The following TMEM248 variants were observed in gnomAD, a reference collection of about 807,000 sequenced individuals.
TMEM248 encodes UPF0458 protein C7orf42.
Under a neutral mutation model 30.3 loss-of-function variants are expected in TMEM248, and 9 were observed. That is an observed-to-expected ratio of 0.30 (90% confidence interval 0.18 to 0.52). The LOEUF is 0.52. TMEM248 is among the 20% of genes least tolerant of loss of function. The pLI is 0.97. For synonymous variants in TMEM248, 184 were observed against 154.4 expected, an observed-to-expected ratio of 1.19 and a Z score of -1.42; for missense variants, 338 against 403.3, an observed-to-expected ratio of 0.84 and a Z score of 1.39.
chr7:66,936,341 T>C (rs185536287), intron 1 of TMEM248, among the ~76,000 whole-genome samples: 1 of 152,358 alleles, frequency 6.6e-6, no homozygotes, highest in African/African-American at 2.4e-5. Flanking sequence ...TTTATTCTGC[T>C]GATATGATGT....
intron 1 of TMEM248, among the ~76,000 whole-genome samples, chr7:66,925,390 C>T (rs1791496808): frequency 6.6e-6 from 1 of 152,178 alleles, no homozygotes; most frequent in African/African-American, 2.4e-5. Context: ...TTTTCTCTAA[C>T]GGACTTTGTA....
intron 1 of TMEM248, among the ~76,000 whole-genome samples, chr7:66,938,017 C>T (rs568486752): frequency 1.2e-4 from 19 of 152,242 alleles, no homozygotes; most frequent in East Asian, 1.9e-4. Context: ...TGAGCCACTG[C>T]GCCCGGTTAT....
intron 1 of TMEM248, among the ~76,000 whole-genome samples, chr7:66,935,591 G>A (rs1424825262): frequency 2.0e-5 from 3 of 152,212 alleles, no homozygotes; most frequent in Admixed American, 1.3e-4. Flanking sequence ...TGTGCAGGCT[G>A]GAGTGCAGAG....
At chr7:66,938,786 G>A (rs974113076) in intron 1 of TMEM248, among the ~76,000 whole-genome samples, 2 of 152,200 alleles carry the variant, frequency 1.3e-5, no homozygotes, top group Non-Finnish European at 2.9e-5. Context: ...GATTACAGGC[G>A]TGAGCCACTG....
Position 66,955,877 on chromosome 7 carries a change from G to A in TMEM248, c.*355G>A, listed in dbSNP as rs1383047482. 3.9e-6 allele frequency: 1 copy of A among 254,168 alleles called. No homozygotes were observed. Among genetic ancestry groups the A allele is most frequent in the East Asian group, 8.5e-5 (1 of 11,768 alleles). 15.7% of individuals were successfully genotyped at this position (254,168 alleles called of 1,614,324 possible). A position where few individuals can be genotyped will look rare whatever the true frequency, so the allele number is the denominator to read the frequency against. ...GTCACAGGAGCATTGCGTCGCTGAT[G>A]GGGTTGAAGTTTGGTTTGGTTCTTG... On this transcript the variant is annotated 3_prime_UTR_variant, in exon 7 of 7. Coordinates refer to ENST00000341567, the MANE Select transcript of TMEM248 (RefSeq NM_017994.5).
At chr7:66,946,099 A>AAAG (rs1554336639) in intron 3 of TMEM248, among the ~76,000 whole-genome samples, 2 of 151,324 alleles carry the variant, frequency 1.3e-5, no homozygotes, top group Non-Finnish European at 2.9e-5. Flanking sequence ...AAAAAAAAAA[A>AAAG]AGAAGTCAGC....
At chr7:66,953,458 G>A in intron 6 of TMEM248, 89 bp downstream of exon 6, 2 of 1,510,760 alleles carry the variant, frequency 1.3e-6, no homozygotes, top group Non-Finnish European at 1.8e-6. Context: ...TTTATTGTGG[G>A]TGGCACCTTT....
At chr7:66,942,048 C>G in intron 2 of TMEM248, 24 bp downstream of exon 2, 1 of 1,605,826 alleles carries the variant, frequency 6.2e-7, no homozygotes, top group Non-Finnish European at 8.5e-7. Context: ...TGACTTCTCC[C>G]GGGCTGGCTG....
chr7:66,951,850 G>C (rs962860189), intron 5 of TMEM248, among the ~76,000 whole-genome samples: 1 of 151,866 alleles, frequency 6.6e-6, no homozygotes, highest in Non-Finnish European at 1.5e-5. Flanking sequence ...TTGTAGAGAC[G>C]GGGGTCTTGC....
Position 66,956,032 on chromosome 7 carries a change from A to C in TMEM248, c.*510A>C. The C allele has an allele frequency of 6.5e-6, 1 of 153,376 alleles. No homozygotes were observed. The highest frequency in any genetic ancestry group is 1.5e-5 in the Non-Finnish European group (1 of 68,534). The allele number at this position is 153,376 out of a possible 1,614,324, so 9.5% of individuals were successfully genotyped here. ...CTTAATAATCATAGTAACAACAATA[A>C]TACCTTTTTCTCCATTTTGCTTGCA... is the stretch of plus-strand genomic sequence containing the variant. On this transcript the variant is annotated 3_prime_UTR_variant, in exon 7 of 7. Transcript: ENST00000341567.
rs1792435433 is a variant in TMEM248, at chr7:66,957,692, C to G, written c.*2170C>G. The G allele has an allele frequency of 6.6e-6, 1 of 152,168 alleles. No individual in the cohort carries two copies. The highest frequency in any genetic ancestry group is 2.4e-5 in the African/African-American group (1 of 41,444). 9.4% of individuals were successfully genotyped at this position (152,168 alleles called of 1,614,324 possible). A position where few individuals can be genotyped will look rare whatever the true frequency, so the allele number is the denominator to read the frequency against. ...CAAAGGAGAAAAACAGTGAAAAAGC[C>G]AATTTCACTGGTTCGTTCAATCCAG... On this transcript the variant is annotated 3_prime_UTR_variant, in exon 7 of 7. Coordinates refer to ENST00000341567, the MANE Select transcript of TMEM248 (RefSeq NM_017994.5).
intron 2 of TMEM248, among the ~76,000 whole-genome samples, chr7:66,942,716 G>A (rs574772096): frequency 1.3e-4 from 19 of 151,984 alleles, no homozygotes; most frequent in Non-Finnish European, 2.1e-4. Flanking sequence ...GGCTGGTCTC[G>A]AACTCCTGAC....
intron 5 of TMEM248, among the ~76,000 whole-genome samples, chr7:66,952,540 C>T (rs1020944805): frequency 1.3e-5 from 2 of 152,190 alleles, no homozygotes; most frequent in Non-Finnish European, 2.9e-5. Context: ...GACTGAGCTG[C>T]CCCGCTATGT....
intron 1 of TMEM248, among the ~76,000 whole-genome samples, chr7:66,925,465 T>C (rs1397585289): frequency 6.6e-6 from 1 of 152,226 alleles, no homozygotes; most frequent in Non-Finnish European, 1.5e-5. Context: ...TGCTCTCTGC[T>C]GCAATGAGTT....
At chr7:66,924,239 A>G (rs1791464144) in intron 1 of TMEM248, among the ~76,000 whole-genome samples, 1 of 152,126 alleles carries the variant, frequency 6.6e-6, no homozygotes, top group Non-Finnish European at 1.5e-5. Flanking sequence ...TCCTCTCCAG[A>G]GGGTTTTTAG....
chr7:66,946,003 G>C (rs1398535658), intron 3 of TMEM248, among the ~76,000 whole-genome samples: 3 of 151,674 alleles, frequency 2.0e-5, no homozygotes, highest in Admixed American at 2.0e-4. Context: ...AGAATAGCTT[G>C]AACCCAGGAG....
At chr7:66,942,556 C>T (rs1017577976) in intron 2 of TMEM248, among the ~76,000 whole-genome samples, 5 of 152,176 alleles carry the variant, frequency 3.3e-5, no homozygotes, top group African/African-American at 7.2e-5. Flanking sequence ...AGTGCAGTGG[C>T]GTACTCTCAG....
chr7:66,934,525 A>G (rs1193647508), intron 1 of TMEM248, among the ~76,000 whole-genome samples: 2 of 152,160 alleles, frequency 1.3e-5, no homozygotes, highest in Non-Finnish European at 2.9e-5. Context: ...TTTAGTGACT[A>G]TAATTGTCCT....
At chr7:66,942,661 A>G (rs915554921) in intron 2 of TMEM248, among the ~76,000 whole-genome samples, 4 of 151,890 alleles carry the variant, frequency 2.6e-5, no homozygotes, top group Admixed American at 1.3e-4. Context: ...ACGTCTGGCT[A>G]ATTTTTGTCT....
Sources: gnomAD v4.1 joint callset for allele counts (sites outside exome capture counted in the v4.1 genomes callset) on GRCh38, gnomAD v4.1.1 for gene constraint, MANE v1.5 for transcripts, NCBI Gene and HGNC (gene_info 2026-07-23, HGNC 2026-07-21) for gene names.